Variants in AFAP1L1 observed in about 807,000 individuals in gnomAD.
The protein encoded by AFAP1L1 is actin filament associated protein 1 like 1, also known as actin filament-associated protein 1-like 1.
Under a neutral mutation model 99.8 loss-of-function variants are expected in AFAP1L1, and 77 were observed. The ratio of observed to expected loss-of-function variants is 0.77; its 90% confidence interval spans 0.64 to 0.93. AFAP1L1 has a LOEUF of 0.93. Among genes scored for constraint, AFAP1L1 ranks in the 40% least tolerant of loss-of-function variants. The pLI, the probability that AFAP1L1 is intolerant of heterozygous loss-of-function variation, is 0.00. For missense variants in AFAP1L1, 893 were observed against 996.8 expected (o/e 0.90, Z 1.40); for synonymous variants, 373 against 395.3 (o/e 0.94, Z 0.67).
chr5:149,286,473 T>TACTCC (rs1235789373), intron 1 of AFAP1L1, among the ~76,000 whole-genome samples: 1 of 152,188 alleles, frequency 6.6e-6, no homozygotes, highest in Non-Finnish European at 1.5e-5. Context: ...GCCAACCACA[T>TACTCC]ACTCCTATTA....
chr5:149,272,828 GA>G (rs955740927), intron 1 of AFAP1L1, among the ~76,000 whole-genome samples: 4 of 152,022 alleles, frequency 2.6e-5, no homozygotes, highest in African/African-American at 9.7e-5. Context: ...TCAGCCTCCC[GA>G]ATAGCTGGGA....
At chr5:149,329,939 T>A in intron 16 of AFAP1L1, 109 bp downstream of exon 16, 1 of 1,037,736 alleles carries the variant, frequency 9.6e-7, no homozygotes, top group Non-Finnish European at 1.3e-6. Context: ...CCAAGAGAAG[T>A]GGGCTTCTCC....
At chr5:149,299,396 C>T (rs879159664) in intron 1 of AFAP1L1, 113 bp from the exon 2 acceptor site, 12 of 1,435,430 alleles carry the variant, frequency 8.4e-6, no homozygotes, top group Admixed American at 4.4e-5. Context: ...CTTGCACACC[C>T]GGACCTGCCC....
intron 1 of AFAP1L1, among the ~76,000 whole-genome samples, chr5:149,277,111 A>G (rs1755357825): frequency 6.6e-6 from 1 of 152,182 alleles, no homozygotes; most frequent in Admixed American, 6.5e-5. Context: ...GTCCAACATT[A>G]TGTCTGATCT....
In AFAP1L1 at chr5:149,322,596, C is replaced by T; in HGVS notation, c.1699-10C>T. The T allele has an allele frequency of 1.3e-6, 2 of 1,558,294 alleles. No homozygotes were observed. The highest frequency in any genetic ancestry group is 8.7e-7 in the Non-Finnish European group (1 of 1,149,372). On this transcript the variant is annotated splice_polypyrimidine_tract_variant and intron_variant, in intron 14 of 18. Coordinates refer to ENST00000296721, the MANE Select transcript of AFAP1L1 (RefSeq NM_152406.4). ...CCTGAACTTGACTGTCTTCCTCCAT[C>T]TCCCACCAGGACGAGGAGCCCGAGC...
At chr5:149,323,579 ATTT>A (rs1386958171) in intron 15 of AFAP1L1, among the ~76,000 whole-genome samples, 1 of 152,192 alleles carries the variant, frequency 6.6e-6, no homozygotes, top group Non-Finnish European at 1.5e-5. Context: ...ATCTACTTTT[ATTT>A]TTTAATACCT....
rs1428880537 is a variant in AFAP1L1 at position 149,275,914 on chromosome 5, C to T, written c.16+3930C>T. ...AAGACCCTGTCTCCAAATACAGTCA[C>T]ACTTGGGGTTAGGGCTTCAACATAT... On this transcript the variant is annotated intron_variant, in intron 1 of 18. Transcript: ENST00000296721. Among the ~76,000 whole-genome samples the T allele has an allele frequency of 2.0e-5, 3 of 152,210 alleles. No individual in the cohort carries two copies. The East Asian group carries it at 5.8e-4, about 29-fold the overall frequency.
chr5:149,314,597 A>C (rs1323878024), intron 9 of AFAP1L1, among the ~76,000 whole-genome samples: 1 of 152,234 alleles, frequency 6.6e-6, no homozygotes, highest in Non-Finnish European at 1.5e-5. Context: ...ATTGCAGAAC[A>C]CATAGAGCCA....
intron 15 of AFAP1L1, among the ~76,000 whole-genome samples, chr5:149,326,558 AAAAAG>A (rs1296452073): frequency 2.0e-5 from 3 of 148,394 alleles, no homozygotes; most frequent in South Asian, 2.1e-4. Context: ...AAAAAAAAAA[AAAAAG>A]AAAGAAAAAT....
chr5:149,286,988 C>A (rs1025870183), intron 1 of AFAP1L1, among the ~76,000 whole-genome samples: 1 of 152,198 alleles, frequency 6.6e-6, no homozygotes, highest in Non-Finnish European at 1.5e-5. Context: ...GCAAGTTTAA[C>A]CTTGCTAGGC....
chr5:149,338,804 A>G (rs1347167540), intron 18 of AFAP1L1, among the ~76,000 whole-genome samples: 1 of 152,210 alleles, frequency 6.6e-6, no homozygotes, highest in East Asian at 1.9e-4. Context: ...AGAGACCTGA[A>G]TGGAGTGTGA....
At position 149,342,911 on chromosome 5, in the gene AFAP1L1, A is replaced by G. The variant is rs1170254980; in HGVS notation, c.*2881A>G. On this transcript the variant is annotated 3_prime_UTR_variant, in exon 19 of 19. Transcript: ENST00000296721. ...TGGGCAATAGCAAGACTCCATCTCA[A>G]AAAAAAAAAAATGCCTTATTTGGTT... Among the ~76,000 whole-genome samples, 1 of 29,786 alleles carries G rather than the reference A, an allele frequency of 3.4e-5. No homozygotes were observed. Among genetic ancestry groups the G allele is most frequent in the Non-Finnish European group, 6.9e-5 (1 of 14,458 alleles). The allele number at this position is 29,786 out of a possible 152,430, so 19.5% of individuals were successfully genotyped here.
chr5:149,287,864 G>A (rs1367409376), intron 1 of AFAP1L1, among the ~76,000 whole-genome samples: 1 of 151,750 alleles, frequency 6.6e-6, no homozygotes, highest in Non-Finnish European at 1.5e-5. Flanking sequence ...TTACAGGCGT[G>A]AGCCACCTCA....
At chr5:149,272,605 G>A (rs1416184443) in intron 1 of AFAP1L1, among the ~76,000 whole-genome samples, 2 of 152,216 alleles carry the variant, frequency 1.3e-5, no homozygotes, top group African/African-American at 4.8e-5. Context: ...AGTGTATTTG[G>A]TAGACGTTTC....
rs1757602233 is a variant in AFAP1L1, at chr5:149,343,055, T to C, written c.*3025T>C. On this transcript the variant is annotated 3_prime_UTR_variant, in exon 19 of 19. Coordinates refer to ENST00000296721, the MANE Select transcript of AFAP1L1 (RefSeq NM_152406.4). ...GATCTTGCATAGGTTTACCAACCTTTCTGAGCCTCAATTTTCTCATATGTA... is the reference window on the plus strand; with the variant it reads ...GATCTTGCATAGGTTTACCAACCTTCCTGAGCCTCAATTTTCTCATATGTA... Among the ~76,000 whole-genome samples the C allele has an allele frequency of 6.6e-6, 1 of 152,242 alleles. No individual in the cohort carries two copies. Among genetic ancestry groups the C allele is most frequent in the African/African-American group, 2.4e-5 (1 of 41,468 alleles).
intron 4 of AFAP1L1, 69 bp downstream of exon 4, chr5:149,301,299 C>A: frequency 6.8e-7 from 1 of 1,472,360 alleles, no homozygotes; most frequent in Non-Finnish European, 9.4e-7. Flanking sequence ...GGAAGCTCTC[C>A]CCTTCCCACT....
chr5:149,331,012 G>T (rs1331797746), intron 16 of AFAP1L1, among the ~76,000 whole-genome samples: 2 of 151,928 alleles, frequency 1.3e-5, no homozygotes, highest in African/African-American at 4.8e-5. Flanking sequence ...AATATAAAGA[G>T]TTCAACATTA....
chr5:149,299,430 A>G, intron 1 of AFAP1L1, 79 bp from the exon 2 acceptor site: 15 of 1,572,386 alleles, frequency 9.5e-6, no homozygotes, highest in South Asian at 8.0e-5. Context: ...GCCCAACTCT[A>G]GGTGGTGGGG....
At chr5:149,282,665 A>C (rs1408834871) in intron 1 of AFAP1L1, among the ~76,000 whole-genome samples, 1 of 152,248 alleles carries the variant, frequency 6.6e-6, no homozygotes, top group Non-Finnish European at 1.5e-5. Context: ...AGAGTTGGGT[A>C]GTTGAAACAG....
Sources: gnomAD v4.1 joint callset for allele counts (sites outside exome capture counted in the v4.1 genomes callset) on GRCh38, gnomAD v4.1.1 for gene constraint, MANE v1.5 for transcripts, NCBI Gene and HGNC (gene_info 2026-07-23, HGNC 2026-07-21) for gene names.